KAT6B: variants seen among roughly 807,000 people sequenced by gnomAD.
The protein encoded by KAT6B is lysine acetyltransferase 6B.
In KAT6B, 10 loss-of-function variants were observed where a neutral mutation model predicts 187.5. That is an observed-to-expected ratio of 0.05 (90% confidence interval 0.03 to 0.09). The LOEUF is 0.09. KAT6B is among the 10% of genes least tolerant of loss of function. KAT6B has a pLI of 1.00. For missense variants in KAT6B, 1,952 were observed against 2,558.9 expected, an observed-to-expected ratio of 0.76 and a Z score of 5.12; for synonymous variants, 861 against 926.8, an observed-to-expected ratio of 0.93 and a Z score of 1.29.
intron 3 of KAT6B, among the ~76,000 whole-genome samples, chr10:74,944,381 G>A (rs1849940664): frequency 6.6e-6 from 1 of 152,156 alleles, no homozygotes; most frequent in Admixed American, 6.5e-5. Context: ...TGAGACAATA[G>A]GTTTTTCACT....
At position 75,030,154 on chromosome 10, in the gene KAT6B, C is replaced by G. The variant is rs769628283; in HGVS notation, c.5330C>G (p.Pro1777Arg). The change falls in exon 18 of 18, where the codon CCA (proline) becomes CGA (arginine). Residue 1777 changes from proline (P) to arginine (R), a missense_variant. By Grantham distance (103) the Pro-to-Arg change is moderately radical. Around this residue, in one of 9 missense-constraint regions of KAT6B, gnomAD observed 358 missense variants for 436.3 expected, o/e 0.82. Transcript: ENST00000287239. The surrounding 1 kb of genome is among the most constrained non-coding windows in gnomAD (Gnocchi z 4.8). ...AQCSMAANFTPPMQLAEIPET... is the reference protein window; with the variant it reads ...AQCSMAANFTRPMQLAEIPET... ...TGCAGCATGGCTGCTAACTTCACCC[C>G]ACCCATGCAGCTGGCTGAAATCCCC... The G allele has an allele frequency of 3.7e-6, 6 of 1,614,268 alleles. No homozygotes were observed. Among genetic ancestry groups the G allele is most frequent in the East Asian group, 2.2e-5 (1 of 44,888 alleles).
At chr10:74,856,761 C>A (rs568853064) in intron 3 of KAT6B, among the ~76,000 whole-genome samples, 1 of 151,884 alleles carries the variant, frequency 6.6e-6, no homozygotes, top group African/African-American at 2.4e-5. Flanking sequence ...ATCAGCTGGG[C>A]GTGGTGGCAT....
intron 3 of KAT6B, among the ~76,000 whole-genome samples, chr10:74,863,228 T>C (rs2132311093): frequency 6.6e-6 from 1 of 152,330 alleles, no homozygotes; most frequent in African/African-American, 2.4e-5. Flanking sequence ...GTATGCTATA[T>C]TTAAATAAAA....
intron 3 of KAT6B, among the ~76,000 whole-genome samples, chr10:74,902,694 A>G (rs1352844012): frequency 6.6e-6 from 1 of 152,174 alleles, no homozygotes; most frequent in African/African-American, 2.4e-5. Flanking sequence ...TACCAGTGGC[A>G]TCTGTAGGAA....
chr10:74,989,010 T>TTCC lies in KAT6B; in HGVS notation c.2536-8_2536-6dup, dbSNP rs1235297717. 3 of 1,599,728 alleles carry TTCC rather than the reference T, an allele frequency of 1.9e-6. No individual in the cohort carries two copies. The highest frequency in any genetic ancestry group is 2.6e-6 in the Non-Finnish European group (3 of 1,166,848). ...TCTGACATACTTGATCTGTTTCTCC[T>TTCC]TCCCTCAGGAAAAGCTTTGCCAGCA... On this transcript the variant is annotated splice_polypyrimidine_tract_variant and intron_variant, in intron 12 of 17. Transcript: ENST00000287239.
chr10:75,003,672 T>C (rs1195552602), intron 13 of KAT6B, among the ~76,000 whole-genome samples: 1 of 152,228 alleles, frequency 6.6e-6, no homozygotes, highest in Non-Finnish European at 1.5e-5. Context: ...CTCATTATAA[T>C]ATGTTACACT....
At chr10:75,014,162 C>T (rs1844815042) in intron 13 of KAT6B, among the ~76,000 whole-genome samples, 1 of 152,098 alleles carries the variant, frequency 6.6e-6, no homozygotes, top group Non-Finnish European at 1.5e-5. Context: ...ACAGCAGACT[C>T]AATACCAAAG....
intron 3 of KAT6B, among the ~76,000 whole-genome samples, chr10:74,855,280 G>A (rs1443816855): frequency 6.6e-6 from 1 of 152,208 alleles, no homozygotes; most frequent in Non-Finnish European, 1.5e-5. Flanking sequence ...TGGGCTGAGA[G>A]CCAGAGGCAG....
At chr10:74,928,523 A>G (rs571577869) in intron 3 of KAT6B, among the ~76,000 whole-genome samples, 3 of 152,318 alleles carry the variant, frequency 2.0e-5, no homozygotes, top group East Asian at 1.9e-4. Context: ...CTCCACTACT[A>G]CAGAATAAAT....
rs751459996 is a variant in KAT6B at position 75,030,130 on chromosome 10, G to A, written c.5306G>A (p.Cys1769Tyr). Residue 1769 changes from cysteine (C) to tyrosine (Y), a missense_variant, in exon 18 of 18, where the codon TGC (cysteine) becomes TAC (tyrosine). Coordinates refer to ENST00000287239, the MANE Select transcript of KAT6B (RefSeq NM_012330.4). The surrounding 1 kb of genome is among the most constrained non-coding windows in gnomAD (Gnocchi z 4.8). ...PPSSSQQLAQ[C>Y]SMAANFTPPM... ...AGCAGCAGCCAGCAGCTGGCTCAGTGCAGCATGGCTGCTAACTTCACCCCA... is the reference window on the plus strand; with the variant it reads ...AGCAGCAGCCAGCAGCTGGCTCAGTACAGCATGGCTGCTAACTTCACCCCA... The A allele has an allele frequency of 6.2e-7, 1 of 1,614,204 alleles. No homozygotes were observed. The highest frequency in any genetic ancestry group is 8.5e-7 in the Non-Finnish European group (1 of 1,180,026).
intron 13 of KAT6B, among the ~76,000 whole-genome samples, chr10:74,990,246 C>T (rs1843055768): frequency 7.0e-6 from 1 of 142,788 alleles, no homozygotes; most frequent in Non-Finnish European, 1.5e-5. Flanking sequence ...CGCTAGGAAC[C>T]AGGTGCTTCT....
intron 13 of KAT6B, among the ~76,000 whole-genome samples, chr10:75,012,977 T>G (rs1844720158): frequency 1.3e-5 from 2 of 152,152 alleles, no homozygotes. Context: ...AGTGGAGGTC[T>G]GCTGAGGAAC....
intron 3 of KAT6B, among the ~76,000 whole-genome samples, chr10:74,871,727 A>G (rs567980995): frequency 2.7e-4 from 41 of 152,300 alleles, no homozygotes; most frequent in African/African-American, 9.4e-4. Flanking sequence ...GAGGTATACC[A>G]AGATGAGTAA....
chr10:74,888,718 G>A (rs1474939641), intron 3 of KAT6B, among the ~76,000 whole-genome samples: 1 of 152,100 alleles, frequency 6.6e-6, no homozygotes, highest in East Asian at 1.9e-4. Context: ...TTTGTGTCTA[G>A]TGAAATACAC....
chr10:74,967,672 TTAAA>T (rs761897680), intron 4 of KAT6B, among the ~76,000 whole-genome samples: 84 of 152,170 alleles, frequency 5.5e-4, no homozygotes, highest in Non-Finnish European at 8.2e-4. Flanking sequence ...ATAGGGTAGC[TTAAA>T]TAGTAGTAGT....
rs1003223049 is a variant in KAT6B at position 75,031,052 on chromosome 10, G to A, written c.*6G>A. 2.2e-5 allele frequency: 36 copies of A among 1,613,856 alleles called. No homozygotes were observed. The highest frequency in any genetic ancestry group is 1.6e-4 in the African/African-American group (12 of 74,892). The stretch of plus-strand genomic sequence containing the variant: ...GCTCCTACATGAGAAGGTAGACAAC[G>A]TGGGCAGTCCACAAAACCTACGGGG... On this transcript the variant is annotated 3_prime_UTR_variant, in exon 18 of 18. Transcript: ENST00000287239.
At chr10:74,945,302 T>G (rs2133340117) in intron 3 of KAT6B, among the ~76,000 whole-genome samples, 1 of 152,284 alleles carries the variant, frequency 6.6e-6, no homozygotes, top group African/African-American at 2.4e-5. Flanking sequence ...ATATGAAATT[T>G]TATAACAGGC....
chr10:74,912,736 A>G (rs1224267305), intron 3 of KAT6B, among the ~76,000 whole-genome samples: 1 of 152,200 alleles, frequency 6.6e-6, no homozygotes, highest in African/African-American at 2.4e-5. Context: ...CCTATATTTT[A>G]TACAAATTGG....
At chr10:74,923,452 C>T (rs994192214) in intron 3 of KAT6B, among the ~76,000 whole-genome samples, 2 of 152,054 alleles carry the variant, frequency 1.3e-5, no homozygotes, top group Non-Finnish European at 2.9e-5. Flanking sequence ...GTGAGAAATG[C>T]TATGGAGAAA....
Sources: allele counts gnomAD v4.1 joint callset (sites outside exome capture counted in the v4.1 genomes callset), GRCh38; gene constraint gnomAD v4.1.1; regional missense constraint gnomAD v4.1.1; non-coding constraint Gnocchi (gnomAD v3.1); transcripts MANE v1.5; gene names NCBI Gene and HGNC (gene_info 2026-07-23, HGNC 2026-07-21).